The following LAMP1 variants were observed in gnomAD, a reference collection of about 807,000 sequenced individuals.
LAMP1 encodes the protein lysosome-associated membrane glycoprotein 1.
LAMP1 carries 7 observed loss-of-function variants against 37.5 expected under a neutral mutation model. The observed-to-expected ratio is 0.19, with a 90% CI of 0.11 to 0.35. The LOEUF (loss-of-function observed/expected upper bound fraction) is 0.35, where lower values mean the gene tolerates loss of function less well. Ranked by LOEUF, LAMP1 falls within the 10% of genes least tolerant of loss-of-function variation. The probability of loss-of-function intolerance (pLI) is 1.00; values close to 1 mark genes in which losing one functional copy is unlikely to be tolerated. For missense variants in LAMP1, 537 were observed against 552.8 expected (o/e 0.97, Z 0.29); for synonymous variants, 236 against 229.1 (o/e 1.03, Z -0.27).
intron 1 of LAMP1, among the ~76,000 whole-genome samples, chr13:113,300,508 AAAAGAAAAG>A (rs1280770813): frequency 6.6e-6 from 1 of 150,894 alleles, no homozygotes. Flanking sequence ...AAAAAAAAGA[AAAAGAAAAG>A]AAAGAAAAGC....
chr13:113,305,972 G>A (rs2042596191), intron 1 of LAMP1: 1 of 153,380 alleles, frequency 6.5e-6, no homozygotes, highest in African/African-American at 2.4e-5. Flanking sequence ...GATGGGCTTA[G>A]AGATAACAAT....
chr13:113,310,724 A>T lies in LAMP1; in HGVS notation c.419A>T (p.Glu140Val). The T allele has an allele frequency of 6.3e-7, 1 of 1,593,570 alleles. No homozygotes were observed. The highest frequency in any genetic ancestry group is 8.5e-7 in the Non-Finnish European group (1 of 1,171,408). The part of the protein sequence containing the change: ...NASSKEIKTV[E>V]SITDIRADID... ...TTTAATCTAGAAATCAAGACTGTGG[A>T]ATCTATAACTGACATCAGGGCAGAT... The change falls in exon 4 of 9, where the codon GAA becomes GTA. Residue 140 changes from glutamate (E) to valine (V), a missense_variant. Transcript: ENST00000332556.
Position 113,320,340 on chromosome 13 carries a change from T to C in LAMP1, c.751-5T>C, listed in dbSNP as rs749867273. Reference sequence around the variant, plus strand: ...GGTGGTGACTTGCTTGCTTGTCTTATGCAGACGGTGACAAGGCTTCTCAAC... The same window carrying C: ...GGTGGTGACTTGCTTGCTTGTCTTACGCAGACGGTGACAAGGCTTCTCAAC... On this transcript the variant is annotated splice_polypyrimidine_tract_variant and splice_region_variant and intron_variant, in intron 5 of 8. Coordinates refer to ENST00000332556, the MANE Select transcript of LAMP1 (RefSeq NM_005561.4). The surrounding 1 kb of genome is among the most constrained non-coding windows in gnomAD (Gnocchi z 4.4). The C allele has an allele frequency of 2.0e-5, 33 of 1,613,976 alleles. No homozygotes were observed. Among genetic ancestry groups the C allele is most frequent in the Admixed American group, 1.7e-5 (1 of 60,006 alleles).
chr13:113,300,083 G>A (rs1456008921), intron 1 of LAMP1, among the ~76,000 whole-genome samples: 1 of 152,184 alleles, frequency 6.6e-6, no homozygotes, highest in East Asian at 1.9e-4. Flanking sequence ...CTGATAGATA[G>A]GATTAGCTGT....
At chr13:113,312,448 G>A (rs1285483585) in intron 4 of LAMP1, among the ~76,000 whole-genome samples, 1 of 152,214 alleles carries the variant, frequency 6.6e-6, no homozygotes, top group Non-Finnish European at 1.5e-5. Context: ...GGCCCACAAA[G>A]TCTGAAATAT....
intron 1 of LAMP1, among the ~76,000 whole-genome samples, chr13:113,301,644 AATATATATATATATATATATATAT>A (rs1178393830): frequency 0.034 from 133 of 3,862 alleles, 4 homozygotes; most frequent in Middle Eastern, 0.5. Flanking sequence ...AAAAAAAAAA[AATATATATATATATATATATATAT>A]ATATATATAT....
At position 113,319,484 on chromosome 13, in the gene LAMP1, A is replaced by G. The variant is rs748999243; in HGVS notation, c.578A>G (p.Gln193Arg). Reference protein sequence around the residue: ...SFSRGETRCEQDRPSPTTAPP... With the variant: ...SFSRGETRCERDRPSPTTAPP... Reference sequence around the variant, plus strand: ...GCACCTGCAGAGACACGCTGTGAACAAGACAGGCCTTCCCCAACCACAGCG... The same window carrying G: ...GCACCTGCAGAGACACGCTGTGAACGAGACAGGCCTTCCCCAACCACAGCG... The change falls in exon 5 of 9, where the codon CAA becomes CGA. Residue 193 changes from glutamine (Q) to arginine (R), a missense_variant. Coordinates refer to ENST00000332556, the MANE Select transcript of LAMP1 (RefSeq NM_005561.4). 3 of 1,611,916 alleles carry G rather than the reference A, an allele frequency of 1.9e-6. No homozygotes were observed. In the Admixed American group the frequency reaches 5.0e-5, roughly 27 times the overall value.
chr13:113,313,443 C>A (rs149727931), intron 4 of LAMP1, among the ~76,000 whole-genome samples: 180 of 152,340 alleles, frequency 1.2e-3, no homozygotes, highest in African/African-American at 3.3e-3. Flanking sequence ...ATGGAGAACA[C>A]GCATGTGATT....
intron 4 of LAMP1, among the ~76,000 whole-genome samples, chr13:113,312,715 G>A (rs548785369): frequency 3.9e-4 from 59 of 152,346 alleles, no homozygotes; most frequent in Admixed American, 1.1e-3. Flanking sequence ...GCCTGGAGTC[G>A]TGTCTGCTTC....
At chr13:113,314,765 T>C (rs1595461709) in intron 4 of LAMP1, among the ~76,000 whole-genome samples, 2 of 22,404 alleles carry the variant, frequency 8.9e-5, no homozygotes, top group Admixed American at 4.7e-4. Flanking sequence ...GGAACCAGTG[T>C]GGAGATGTCG....
At chr13:113,312,269 T>C (rs2042634624) in intron 4 of LAMP1, among the ~76,000 whole-genome samples, 1 of 152,170 alleles carries the variant, frequency 6.6e-6, no homozygotes, top group Non-Finnish European at 1.5e-5. Flanking sequence ...AAATGTAACA[T>C]ACCAAAAATC....
At chr13:113,316,583 T>C (rs944792614) in intron 4 of LAMP1, among the ~76,000 whole-genome samples, 4 of 152,130 alleles carry the variant, frequency 2.6e-5, no homozygotes, top group Non-Finnish European at 4.4e-5. Context: ...CCACCACGCC[T>C]GGCTAATTTT....
chr13:113,303,920 A>T (rs1184331996), intron 1 of LAMP1, among the ~76,000 whole-genome samples: 1 of 152,136 alleles, frequency 6.6e-6, no homozygotes, highest in Non-Finnish European at 1.5e-5. Flanking sequence ...CCCCGTCTCT[A>T]CTAAAAATAC....
intron 4 of LAMP1, among the ~76,000 whole-genome samples, chr13:113,318,828 C>G (rs1018698944): frequency 1.3e-5 from 2 of 152,208 alleles, no homozygotes; most frequent in African/African-American, 4.8e-5. Context: ...ACACAGCTGG[C>G]TAGCCTTGCC....
rs572463794 is a variant in LAMP1 at position 113,314,415 on chromosome 13, A to G, written c.562+3548A>G. On this transcript the variant is annotated intron_variant, in intron 4 of 8. Transcript: ENST00000332556. ...CCATGTGCCTGGGGCGTGGCCTCCTAGAGGGAGTCAGTGTGGAGATGCCCG... is the reference window on the plus strand; with the variant it reads ...CCATGTGCCTGGGGCGTGGCCTCCTGGAGGGAGTCAGTGTGGAGATGCCCG... Among the ~76,000 whole-genome samples the G allele has an allele frequency of 8.0e-3, 341 of 42,606 alleles. 17 individuals are homozygous for G. The highest frequency in any genetic ancestry group is 0.048 in the African/African-American group (245 of 5,088). 28.0% of individuals were successfully genotyped at this position (42,606 alleles called of 152,430 possible).
At chr13:113,302,673 C>A (rs559582194) in intron 1 of LAMP1, among the ~76,000 whole-genome samples, 1 of 151,850 alleles carries the variant, frequency 6.6e-6, no homozygotes, top group Non-Finnish European at 1.5e-5. Context: ...AGCAGTCCTC[C>A]GCTTCCTCAG....
chr13:113,311,468 G>A (rs1163987528), intron 4 of LAMP1, among the ~76,000 whole-genome samples: 1 of 152,250 alleles, frequency 6.6e-6, no homozygotes, highest in Non-Finnish European at 1.5e-5. Flanking sequence ...CTGGGGCAGA[G>A]ATGATGGGAC....
chr13:113,314,405 G>A (rs1338596308), intron 4 of LAMP1, among the ~76,000 whole-genome samples: 7 of 114,140 alleles, frequency 6.1e-5, no homozygotes, highest in Non-Finnish European at 9.9e-5. Flanking sequence ...TGCCTGGGGC[G>A]TGGCCTCCTA....
At position 113,306,952 on chromosome 13, in the gene LAMP1, G is replaced by A. The variant is rs1272280683; in HGVS notation, c.183+346G>A. On this transcript the variant is annotated intron_variant, in intron 2 of 8. Transcript: ENST00000332556. ...CCTCCTGGGTTCATGCCATTCTCCT[G>A]CCTCAGCCTCCCCAGTAGCTGGGGC... is the stretch of plus-strand genomic sequence containing the variant. Among the ~76,000 whole-genome samples, 3 of 135,398 alleles carry A rather than the reference G, an allele frequency of 2.2e-5. No individual in the cohort carries two copies. In the East Asian group the frequency reaches 7.0e-4, roughly 32 times the overall value. The allele number at this position is 135,398 out of a possible 152,430, so 88.8% of individuals were successfully genotyped here.
Sources: gnomAD v4.1 joint callset for allele counts (sites outside exome capture counted in the v4.1 genomes callset) on GRCh38, gnomAD v4.1.1 for gene constraint, Gnocchi (gnomAD v3.1) non-coding constraint, MANE v1.5 for transcripts, NCBI Gene and HGNC (gene_info 2026-07-23, HGNC 2026-07-21) for gene names.